The following KLHL41 variants were observed in gnomAD, a reference collection of about 807,000 sequenced individuals.
KLHL41 encodes the protein kelch like family member 41.
KLHL41 carries 31 observed loss-of-function variants against 49.2 expected under a neutral mutation model. The ratio of observed to expected loss-of-function variants is 0.63; its 90% CI spans 0.47 to 0.85. The LOEUF is 0.85. Among genes scored for constraint, KLHL41 ranks in the 40% least tolerant of loss-of-function variants. The pLI, the probability that KLHL41 is intolerant of heterozygous loss-of-function variation, is 0.00. For missense variants in KLHL41, 663 were observed against 726.7 expected (o/e 0.91, Z 1.01); for synonymous variants, 218 against 258.5 (o/e 0.84, Z 1.50).
At chr2:169,519,612 C>G (rs1006506591) in intron 4 of KLHL41, among the ~76,000 whole-genome samples, 11 of 149,154 alleles carry the variant, frequency 7.4e-5, no homozygotes, top group African/African-American at 2.5e-4. Flanking sequence ...GATATCTGCT[C>G]TCTTGTATAC....
rs1574349775 is a variant in KLHL41, at chr2:169,510,947, A to C, written c.1110+59A>C. The C allele has an allele frequency of 7.1e-7, 1 of 1,411,818 alleles. No homozygotes were observed. Among genetic ancestry groups the C allele is most frequent in the East Asian group, 2.3e-5 (1 of 43,916 alleles). 87.5% of individuals were successfully genotyped at this position (1,411,818 alleles called of 1,614,324 possible). On this transcript the variant is annotated intron_variant, in intron 1 of 5. Transcript: ENST00000284669. This position sits in a 1 kb window ranked among gnomAD's most constrained non-coding sequence, Gnocchi z 4.2. Reference sequence around the variant, plus strand: ...AAGGGAAGGCTGTTACTCACCATCCAGTTAGCCAATTTGTGAATTATTCAA... The same window carrying C: ...AAGGGAAGGCTGTTACTCACCATCCCGTTAGCCAATTTGTGAATTATTCAA...
Position 169,510,420 on chromosome 2 carries a change from C to G in KLHL41, c.642C>G (p.Asn214Lys), listed in dbSNP as rs372183592. Reference protein sequence around the residue: ...VRTDKENRVKNLSEVFDCIRF... With the variant: ...VRTDKENRVKKLSEVFDCIRF... ...CAGACAAGGAAAACAGGGTTAAAAACCTTAGTGAAGTGTTTGATTGTATCC... is the reference window on the plus strand; with the variant it reads ...CAGACAAGGAAAACAGGGTTAAAAAGCTTAGTGAAGTGTTTGATTGTATCC... The change falls in exon 1 of 6, where the codon AAC (asparagine) becomes AAG (lysine). Residue 214 changes from asparagine to lysine, a missense_variant. Physicochemically the swap from Asn to Lys is moderately conservative, Grantham distance 94 (BLOSUM62 0). This residue lies in a region of KLHL41 where 528 missense variants were observed against 581.0 expected (regional missense o/e 0.91). Coordinates refer to ENST00000284669, the MANE Select transcript of KLHL41 (RefSeq NM_006063.3). The surrounding 1 kb of genome is among the most constrained non-coding windows in gnomAD (Gnocchi z 4.2). 1.7e-5 allele frequency: 27 copies of G among 1,613,906 alleles called. No individual in the cohort carries two copies. In the African/African-American group the frequency reaches 3.5e-4, roughly 21 times the overall value.
intron 5 of KLHL41, among the ~76,000 whole-genome samples, chr2:169,523,314 G>A (rs1266462660): frequency 6.6e-6 from 1 of 152,164 alleles, no homozygotes; most frequent in African/African-American, 2.4e-5. Context: ...TCACCAGGGT[G>A]CTTCAAAAAA....
At chr2:169,515,332 C>G (rs1684100914) in intron 3 of KLHL41, among the ~76,000 whole-genome samples, 1 of 152,120 alleles carries the variant, frequency 6.6e-6, no homozygotes, top group African/African-American at 2.4e-5. Flanking sequence ...CACGCCCGGT[C>G]TCTTCCTCTT....
chr2:169,512,702 G>C (rs562014628), intron 1 of KLHL41, among the ~76,000 whole-genome samples: 6 of 152,160 alleles, frequency 3.9e-5, no homozygotes, highest in Non-Finnish European at 7.4e-5. Flanking sequence ...GGCACTAATA[G>C]AACGGTATGC....
chr2:169,520,782 T>C, intron 4 of KLHL41, 79 bp from the exon 5 acceptor site: 2 of 1,212,024 alleles, frequency 1.7e-6, no homozygotes, highest in Non-Finnish European at 2.3e-6. Flanking sequence ...TTTTAAATTA[T>C]TATTTCCTAT....
Position 169,518,366 on chromosome 2 carries a change from CAACA to C in KLHL41, c.1556_1559del (p.Thr519IlefsTer5). 1 of 1,609,968 alleles carries C rather than the reference CAACA, an allele frequency of 6.2e-7. No homozygotes were observed. The highest frequency in any genetic ancestry group is 2.2e-5 in the East Asian group (1 of 44,840). On this transcript the variant is annotated frameshift_variant, in exon 4 of 6. Transcript: ENST00000284669. LOFTEE classifies it high-confidence loss of function. ...GCTTCAGTTGAAGCTTTTGACCTTA[CAACA>C]AATAAGTGAGTTGCCACATCTTAGT...
At chr2:169,524,613 G>A (rs982838684) in intron 5 of KLHL41, among the ~76,000 whole-genome samples, 30 of 152,008 alleles carry the variant, frequency 2.0e-4, no homozygotes, top group East Asian at 7.7e-4. Flanking sequence ...GGCCGGGCTG[G>A]TCTCAAACTC....
chr2:169,518,645 G>T (rs1684154080), intron 4 of KLHL41, among the ~76,000 whole-genome samples: 1 of 152,114 alleles, frequency 6.6e-6, no homozygotes, highest in African/African-American at 2.4e-5. Flanking sequence ...TATTAACTTT[G>T]TGAATTTAGA....
At chr2:169,522,634 A>C (rs1263247200) in intron 5 of KLHL41, among the ~76,000 whole-genome samples, 4 of 151,346 alleles carry the variant, frequency 2.6e-5, no homozygotes, top group African/African-American at 9.7e-5. Context: ...CTGGGCCTTA[A>C]CACAGACCAA....
intron 3 of KLHL41, among the ~76,000 whole-genome samples, chr2:169,515,706 G>A (rs928254043): frequency 1.3e-5 from 2 of 152,102 alleles, no homozygotes; most frequent in African/African-American, 4.8e-5. Flanking sequence ...ATTCATAAGA[G>A]GGACTTTAGA....
intron 4 of KLHL41, among the ~76,000 whole-genome samples, chr2:169,520,033 T>G (rs1449223634): frequency 6.6e-6 from 1 of 152,002 alleles, no homozygotes; most frequent in Non-Finnish European, 1.5e-5. Flanking sequence ...AGGGTTTTGC[T>G]CTATCACCCA....
rs372201871 is a variant in KLHL41 at position 169,510,498 on chromosome 2, T to C, written c.720T>C (p.Asp240=). 12 of 1,613,638 alleles carry C rather than the reference T, an allele frequency of 7.4e-6. No homozygotes were observed. In the African/African-American group the frequency reaches 1.6e-4, roughly 22 times the overall value. Reference sequence around the variant, plus strand: ...TTAAGGATCATGTTGAGAAAGATGATATAATTAAAAGCAACCCAGACCTCC... The same window carrying C: ...TTAAGGATCATGTTGAGAAAGATGACATAATTAAAAGCAACCCAGACCTCC... ...KYFKDHVEKD[D]IIKSNPDLQK... is the part of the protein sequence containing the mutation. Residue 240 remains aspartate (D), a synonymous_variant, in exon 1 of 6, where the codon GAT becomes GAC. Transcript: ENST00000284669. This position sits in a 1 kb window ranked among gnomAD's most constrained non-coding sequence, Gnocchi z 4.2.
intron 1 of KLHL41, among the ~76,000 whole-genome samples, chr2:169,512,908 C>T (rs1412698450): frequency 1.3e-5 from 2 of 151,902 alleles, no homozygotes; most frequent in East Asian, 3.9e-4. Flanking sequence ...GATTTTTTCC[C>T]CCACTCATTA....
At position 169,509,838 on chromosome 2, in the gene KLHL41, G is replaced by A; in HGVS notation, c.60G>A (p.Gln20=). The A allele has an allele frequency of 1.9e-6, 3 of 1,614,004 alleles. No homozygotes were observed. The highest frequency in any genetic ancestry group is 2.5e-6 in the Non-Finnish European group (3 of 1,180,024). Residue 20 remains glutamine, a synonymous_variant, in exon 1 of 6, where the codon CAG becomes CAA. Transcript: ENST00000284669. ...GGCTTTACCAATCCACCCTTCTTCA[G>A]GATGGTCTAAAAGATCTCCTGGATG... ...ELRLYQSTLL[Q]DGLKDLLDEK...
At chr2:169,523,600 C>T (rs1303438603) in intron 5 of KLHL41, among the ~76,000 whole-genome samples, 1 of 152,112 alleles carries the variant, frequency 6.6e-6, no homozygotes, top group African/African-American at 2.4e-5. Flanking sequence ...AATCCTGATG[C>T]CCAGGCCACC....
In KLHL41 at chr2:169,520,912, C is replaced by T. The variant is rs1446150104; in HGVS notation, c.1614C>T (p.Val538=). Residue 538 remains valine (V), a synonymous_variant, in exon 5 of 6, where the codon GTC becomes GTT. Transcript: ENST00000284669. ...FPQERSSISL[V]SLAGSLYAIG... is the part of the protein sequence containing the mutation. Reference sequence around the variant, plus strand: ...AAGAAAGAAGCTCCATCAGTTTGGTCAGCCTGGCTGGATCTCTGTATGCAA... The same window carrying T: ...AAGAAAGAAGCTCCATCAGTTTGGTTAGCCTGGCTGGATCTCTGTATGCAA... The T allele has an allele frequency of 1.2e-6, 2 of 1,613,676 alleles. No individual in the cohort carries two copies. The highest frequency in any genetic ancestry group is 1.7e-6 in the Non-Finnish European group (2 of 1,179,604).
chr2:169,517,083 G>T (rs1178025778), intron 3 of KLHL41, among the ~76,000 whole-genome samples: 3 of 152,126 alleles, frequency 2.0e-5, no homozygotes, highest in African/African-American at 4.8e-5. Flanking sequence ...TGAAGAACGT[G>T]ATTTTGGATA....
rs28763872 is a variant in KLHL41, at chr2:169,525,848, C to G, written c.*152C>G. 7.3e-3 allele frequency: 3,571 copies of G among 487,446 alleles called. 106 individuals are homozygous for G. Among genetic ancestry groups the G allele is most frequent in the African/African-American group, 0.062 (3,179 of 51,434 alleles). The allele number at this position is 487,446 out of a possible 1,614,324, so 30.2% of individuals were successfully genotyped here. A position where few individuals can be genotyped will look rare whatever the true frequency, so the allele number is the denominator to read the frequency against. ...AGATGAGCAGTAGGTAAGAAAACCT[C>G]AGTCATTGACTCTTCAATGTAATGA... is the stretch of plus-strand genomic sequence containing the variant. On this transcript the variant is annotated 3_prime_UTR_variant, in exon 6 of 6. Coordinates refer to ENST00000284669, the MANE Select transcript of KLHL41 (RefSeq NM_006063.3).
Sources: allele counts gnomAD v4.1 joint callset (sites outside exome capture counted in the v4.1 genomes callset), GRCh38; gene constraint gnomAD v4.1.1; regional missense constraint gnomAD v4.1.1; non-coding constraint Gnocchi (gnomAD v3.1); transcripts MANE v1.5; gene names NCBI Gene and HGNC (gene_info 2026-07-23, HGNC 2026-07-21).